Variants in SOX5 observed in about 807,000 individuals in gnomAD.
The protein encoded by SOX5 is SRY-box transcription factor 5, also known as transcription factor SOX-5.
SOX5 carries 9 observed loss-of-function variants against 92.0 expected under a neutral mutation model. The observed-to-expected ratio is 0.10, with a 90% CI of 0.06 to 0.17. The LOEUF is 0.17. SOX5 is among the 10% of genes least tolerant of loss of function. The pLI, the probability that SOX5 is intolerant of heterozygous loss-of-function variation, is 1.00. For missense variants in SOX5, 642 were observed against 944.5 expected, an observed-to-expected ratio of 0.68 and a Z score of 4.20; for synonymous variants, 344 against 336.3, an observed-to-expected ratio of 1.02 and a Z score of -0.25.
intron 2 of SOX5, among the ~76,000 whole-genome samples, chr12:23,886,276 GA>G (rs1201559956): frequency 2.2e-4 from 33 of 152,196 alleles, no homozygotes; most frequent in African/African-American, 7.9e-4. Flanking sequence ...TCCAATACTA[GA>G]CTCCCTTATG....
chr12:23,862,495 C>T (rs781271712), intron 2 of SOX5, among the ~76,000 whole-genome samples: 11 of 152,102 alleles, frequency 7.2e-5, no homozygotes, highest in South Asian at 4.1e-4. Context: ...ATCTGGCCAA[C>T]GAAGACTGGC....
At chr12:24,048,664 T>C (rs557747004) in intron 4 of SOX5, among the ~76,000 whole-genome samples, 2 of 152,344 alleles carry the variant, frequency 1.3e-5, no homozygotes, top group African/African-American at 4.8e-5. Context: ...TTCAATGGAA[T>C]ATTATTTGGC....
chr12:23,841,372 T>G (rs1185692822), intron 3 of SOX5, among the ~76,000 whole-genome samples: 1 of 152,140 alleles, frequency 6.6e-6, no homozygotes, highest in African/African-American at 2.4e-5. Context: ...CAAAATCTGA[T>G]AGCCACTTTG....
At chr12:23,557,739 G>A (rs900417017) in intron 11 of SOX5, among the ~76,000 whole-genome samples, 1 of 152,164 alleles carries the variant, frequency 6.6e-6, no homozygotes, top group African/African-American at 2.4e-5. Context: ...GCTTTGGGAG[G>A]CCAAGGCGGG....
At chr12:23,816,617 G>A (rs1300725059) in intron 3 of SOX5, among the ~76,000 whole-genome samples, 1 of 152,056 alleles carries the variant, frequency 6.6e-6, no homozygotes, top group Non-Finnish European at 1.5e-5. Flanking sequence ...TGCAGAGTGA[G>A]GTAAAGGCAT....
chr12:23,809,331 T>C (rs1441373356), intron 3 of SOX5, among the ~76,000 whole-genome samples: 3 of 152,128 alleles, frequency 2.0e-5, no homozygotes, highest in Non-Finnish European at 4.4e-5. Flanking sequence ...ACTGAGTACC[T>C]TGTGCATATA....
chr12:24,419,753 A>G (rs1965624965), intron 1 of SOX5, among the ~76,000 whole-genome samples: 1 of 152,228 alleles, frequency 6.6e-6, no homozygotes, highest in African/African-American at 2.4e-5. Context: ...TAATATCTAG[A>G]ATGTATATGA....
intron 2 of SOX5, among the ~76,000 whole-genome samples, chr12:23,878,024 C>CT (rs1182457056): frequency 2.0e-5 from 3 of 151,800 alleles, no homozygotes; most frequent in East Asian, 1.9e-4. Flanking sequence ...ATACTTAATT[C>CT]TTTTTTCCCA....
chr12:23,684,838 T>C (rs1200969864), intron 6 of SOX5, among the ~76,000 whole-genome samples: 1 of 152,148 alleles, frequency 6.6e-6, no homozygotes. Context: ...ATATTTTTAA[T>C]TTTGAAAATA....
intron 4 of SOX5, among the ~76,000 whole-genome samples, chr12:24,063,887 T>TA (rs1395215135): frequency 3.3e-5 from 5 of 152,258 alleles, no homozygotes; most frequent in East Asian, 1.9e-4. Flanking sequence ...ATATGTCTAA[T>TA]AAAAAATTCA....
intron 4 of SOX5, among the ~76,000 whole-genome samples, chr12:24,149,162 T>C (rs1005491789): frequency 3.9e-5 from 6 of 152,092 alleles, no homozygotes; most frequent in African/African-American, 4.8e-5. Context: ...TTTGTGGTGT[T>C]GGGTGAGGCA....
chr12:23,996,080 G>A (rs1180437191), intron 4 of SOX5, among the ~76,000 whole-genome samples: 4 of 152,130 alleles, frequency 2.6e-5, no homozygotes, highest in Admixed American at 2.6e-4. Context: ...TATAATTAAT[G>A]AACACAAGGA....
chr12:24,071,561 A>C (rs1412460077), intron 4 of SOX5, among the ~76,000 whole-genome samples: 1 of 141,368 alleles, frequency 7.1e-6, no homozygotes, highest in African/African-American at 2.6e-5. Flanking sequence ...CAGCCTCCTG[A>C]GTAGCTGGGA....
chr12:23,644,230 A>G (rs1334030496), intron 7 of SOX5, among the ~76,000 whole-genome samples: 1 of 152,218 alleles, frequency 6.6e-6, no homozygotes, highest in Non-Finnish European at 1.5e-5. Context: ...TTTTTGGCCA[A>G]TAGCAAGCAA....
chr12:24,543,061 T>C (rs1482883114), intron 1 of SOX5, among the ~76,000 whole-genome samples: 3 of 152,244 alleles, frequency 2.0e-5, no homozygotes, highest in African/African-American at 4.8e-5. Context: ...ATGTTAAATA[T>C]ACTAAAATGT....
intron 1 of SOX5, among the ~76,000 whole-genome samples, chr12:24,494,170 G>C (rs1358554692): frequency 6.6e-6 from 1 of 152,114 alleles, no homozygotes; most frequent in African/African-American, 2.4e-5. Context: ...AGGGTGTCTA[G>C]GTATGGAAGT....
At chr12:23,937,016 C>G (rs577094470) in intron 1 of SOX5, among the ~76,000 whole-genome samples, 9 of 150,926 alleles carry the variant, frequency 6.0e-5, no homozygotes, top group East Asian at 1.9e-4. Flanking sequence ...TTTCTTTATA[C>G]TTTCCTAAAT....
intron 4 of SOX5, among the ~76,000 whole-genome samples, chr12:24,092,358 A>C (rs1262554780): frequency 6.6e-6 from 1 of 152,034 alleles, no homozygotes; most frequent in Non-Finnish European, 1.5e-5. Flanking sequence ...CCACAAACGG[A>C]GACTCTCCTC....
At chr12:23,991,829 C>T (rs1950586628) in intron 4 of SOX5, among the ~76,000 whole-genome samples, 1 of 151,434 alleles carries the variant, frequency 6.6e-6, no homozygotes, top group Admixed American at 6.6e-5. Flanking sequence ...CAAATTGTCA[C>T]ATGAAAAGAA....
Sources: gnomAD v4.1 joint callset for allele counts (sites outside exome capture counted in the v4.1 genomes callset) on GRCh38, gnomAD v4.1.1 for gene constraint, MANE v1.5 for transcripts, NCBI Gene and HGNC (gene_info 2026-07-23, HGNC 2026-07-21) for gene names.